Variants in ACAD10 observed in about 807,000 individuals in gnomAD.
ACAD10 encodes acyl-CoA dehydrogenase family member 10.
A neutral mutation model predicts 116.8 loss-of-function variants in ACAD10; 112 were observed. The observed-to-expected ratio is 0.96, with a 90% CI of 0.82 to 1.12. The LOEUF (loss-of-function observed/expected upper bound fraction) is 1.12. Ranked by LOEUF, ACAD10 falls within the 50% of genes most tolerant of loss-of-function variation. ACAD10 has a pLI of 0.00. For synonymous variants in ACAD10, 486 were observed against 510.6 expected (o/e 0.95, Z 0.65); for missense variants, 1,259 against 1,350.2 (o/e 0.93, Z 1.06).
chr12:111,740,187 G>A (rs1401313502), intron 12 of ACAD10, among the ~76,000 whole-genome samples: 2 of 152,162 alleles, frequency 1.3e-5, no homozygotes, highest in Admixed American at 6.6e-5. Context: ...AAGGAGGCCA[G>A]TCATGATGGC....
chr12:111,746,157 C>G lies in ACAD10; in HGVS notation c.2129C>G (p.Ala710Gly). ...LIEDLKEKAK[A>G]EGLWNLFLPL... ...TCCCCATGATAGGAGAAAGCCAAAG[C>G]TGAAGGACTTTGGAACCTTTTCCTA... Residue 710 changes from alanine to glycine, a missense_variant, in exon 14 of 21, where the codon GCT becomes GGT. Transcript: ENST00000313698. The G allele has an allele frequency of 6.2e-7, 1 of 1,613,326 alleles. No homozygotes were observed. Among genetic ancestry groups the G allele is most frequent in the Non-Finnish European group, 8.5e-7 (1 of 1,179,808 alleles).
chr12:111,718,691 G>T (rs1288778457), intron 7 of ACAD10, among the ~76,000 whole-genome samples: 1 of 151,670 alleles, frequency 6.6e-6, no homozygotes, highest in Non-Finnish European at 1.5e-5. Context: ...TGTTGGTCAG[G>T]CTGGTCCGAA....
At chr12:111,745,162 T>G in intron 13 of ACAD10, 119 bp downstream of exon 13, 1 of 1,150,184 alleles carries the variant, frequency 8.7e-7, no homozygotes, top group Non-Finnish European at 1.2e-6. Flanking sequence ...AGTTGAATGA[T>G]CTTTGCTTCC....
chr12:111,716,358 G>A (rs1403367485), intron 7 of ACAD10, among the ~76,000 whole-genome samples: 2 of 152,096 alleles, frequency 1.3e-5, no homozygotes, highest in African/African-American at 2.4e-5. Flanking sequence ...GAGACATTGT[G>A]AAACCCTGCT....
At position 111,756,578 on chromosome 12, in the gene ACAD10, C is replaced by A; in HGVS notation, c.*105C>A. The A allele has an allele frequency of 6.7e-7, 1 of 1,503,306 alleles. No individual in the cohort carries two copies. Among genetic ancestry groups the A allele is most frequent in the Non-Finnish European group, 9.0e-7 (1 of 1,113,276 alleles). 93.1% of individuals were successfully genotyped at this position (1,503,306 alleles called of 1,614,324 possible). A position where few individuals can be genotyped will look rare whatever the true frequency, so the allele number is the denominator to read the frequency against. On this transcript the variant is annotated 3_prime_UTR_variant, in exon 21 of 21. Coordinates refer to ENST00000313698, the MANE Select transcript of ACAD10 (RefSeq NM_025247.6). ...CGGTGTTTGTGGCTCCTGCACCCTGCTCAGCAGCTCTGTCCCGGGACAGTC... is the reference window on the plus strand; with the variant it reads ...CGGTGTTTGTGGCTCCTGCACCCTGATCAGCAGCTCTGTCCCGGGACAGTC...
Position 111,756,526 on chromosome 12 carries a change from T to A in ACAD10, c.*53T>A. ...CCTGGCTGGTCCAGCTGTGCCCAGA[T>A]CTGTCACTGATGTGCCTCGAAAGAT... is the stretch of plus-strand genomic sequence containing the variant. On this transcript the variant is annotated 3_prime_UTR_variant, in exon 21 of 21. Coordinates refer to ENST00000313698, the MANE Select transcript of ACAD10 (RefSeq NM_025247.6). 6.3e-7 allele frequency: 1 copy of A among 1,598,768 alleles called. No homozygotes were observed. The highest frequency in any genetic ancestry group is 1.1e-5 in the South Asian group (1 of 88,664).
intron 6 of ACAD10, chr12:111,715,475 G>C (rs1317697890): frequency 1.6e-5 from 4 of 257,798 alleles, no homozygotes; most frequent in Non-Finnish European, 2.3e-5. Context: ...GGTTGCCATG[G>C]CTGCGTTTGT....
rs1279457913 is a variant in ACAD10, at chr12:111,704,686, TTC to T, written c.337-1050_337-1049del. Among the ~76,000 whole-genome samples, 27 of 126,274 alleles carry T rather than the reference TTC, an allele frequency of 2.1e-4. No individual in the cohort carries two copies. In the East Asian group the frequency reaches 3.5e-3, roughly 16 times the overall value. The allele number at this position is 126,274 out of a possible 152,430, so 82.8% of individuals were successfully genotyped here. On this transcript the variant is annotated intron_variant, in intron 3 of 20. Transcript: ENST00000313698. ...GAGTTTTCTTTCTTTCTTTCTTTCT[TTC>T]TTTTTTTTTTTTTTTTTGAGACGGA... is the stretch of plus-strand genomic sequence containing the variant.
Position 111,705,825 on chromosome 12 carries a change from A to G in ACAD10, c.424A>G (p.Ile142Val), listed in dbSNP as rs1419029018. The change falls in exon 4 of 21, where the codon ATA becomes GTA. Residue 142 changes from isoleucine (I) to valine (V), a missense_variant. Transcript: ENST00000313698. ...GCAGTTCCCAGTGATGACTGAGGCC[A>G]TAACTCAAATTCGGGCAAAAGGTCT... ...AKQFPVMTEA[I>V]TQIRAKGLQT... 5 of 1,614,210 alleles carry G rather than the reference A, an allele frequency of 3.1e-6. No individual in the cohort carries two copies. The highest frequency in any genetic ancestry group is 2.2e-5 in the East Asian group (1 of 44,880).
intron 12 of ACAD10, among the ~76,000 whole-genome samples, chr12:111,740,229 C>T (rs1274377688): frequency 6.6e-6 from 1 of 152,070 alleles, no homozygotes; most frequent in Non-Finnish European, 1.5e-5. Context: ...ACTGGGAGGC[C>T]GAAGTAGGTG....
At chr12:111,729,559 A>G (rs1889326860) in intron 9 of ACAD10, among the ~76,000 whole-genome samples, 1 of 152,130 alleles carries the variant, frequency 6.6e-6, no homozygotes, top group African/African-American at 2.4e-5. Context: ...ACCAGAGATC[A>G]TACTTGGAGA....
chr12:111,709,917 G>A, intron 5 of ACAD10: 1 of 495,838 alleles, frequency 2.0e-6, no homozygotes, highest in Non-Finnish European at 3.5e-6. Context: ...AGATGGGAAA[G>A]GAGGTGAATG....
chr12:111,745,013 G>A lies in ACAD10; in HGVS notation c.2085G>A (p.Trp695Ter). 2 of 1,613,830 alleles carry A rather than the reference G, an allele frequency of 1.2e-6. No individual in the cohort carries two copies. The highest frequency in any genetic ancestry group is 2.2e-5 in the South Asian group (2 of 91,084). Reference protein sequence around the residue: ...LQSHQASAARWSPSPLIEDLK... With the variant: ...LQSHQASAAR ...GTCACCAGGCCTCAGCAGCCAGGTG[G>A]AGCCCCTCCCCACTGATCGAAGACC... Residue 695 changes from tryptophan (W) to a stop codon, truncating the protein, a stop_gained, in exon 13 of 21, where the codon TGG (tryptophan) becomes TGA (stop). Transcript: ENST00000313698. LOFTEE classifies it high-confidence loss of function.
chr12:111,728,215 T>C, intron 9 of ACAD10, 72 bp downstream of exon 9: 1 of 1,468,496 alleles, frequency 6.8e-7, no homozygotes, highest in African/African-American at 1.4e-5. Flanking sequence ...ATCTGAATCG[T>C]TTTGGGTCGT....
chr12:111,756,672 G>A lies in ACAD10; in HGVS notation c.*199G>A, dbSNP rs930009775. 1 of 920,038 alleles carries A rather than the reference G, an allele frequency of 1.1e-6. No individual in the cohort carries two copies. The highest frequency in any genetic ancestry group is 1.4e-5 in the South Asian group (1 of 71,172). The allele number at this position is 920,038 out of a possible 1,614,324, so 57.0% of individuals were successfully genotyped here. On this transcript the variant is annotated 3_prime_UTR_variant, in exon 21 of 21. Coordinates refer to ENST00000313698, the MANE Select transcript of ACAD10 (RefSeq NM_025247.6). The stretch of plus-strand genomic sequence containing the variant: ...GCAAGAAGCCTGGAGTCTGTTTCAG[G>A]CCAGGAGGAGGGGATTTGCTGAGGG...
chr12:111,734,623 C>CA (rs1024498979), intron 11 of ACAD10, among the ~76,000 whole-genome samples: 53 of 151,472 alleles, frequency 3.5e-4, no homozygotes, highest in Non-Finnish European at 6.3e-4. Flanking sequence ...GACTCCATCT[C>CA]AAAAAAAACA....
intron 2 of ACAD10, among the ~76,000 whole-genome samples, chr12:111,697,399 T>C (rs1888219094): frequency 6.7e-6 from 1 of 149,622 alleles, no homozygotes; most frequent in Admixed American, 6.7e-5. Flanking sequence ...ATCATTCCAT[T>C]GCCCAGGCTA....
At chr12:111,702,681 A>C (rs897652177) in intron 3 of ACAD10, among the ~76,000 whole-genome samples, 5 of 152,140 alleles carry the variant, frequency 3.3e-5, no homozygotes, top group Admixed American at 6.5e-5. Context: ...CAGTGAGCTG[A>C]GATCATGCCA....
chr12:111,718,036 C>CTTT lies in ACAD10; in HGVS notation c.992+2103_992+2105dup, dbSNP rs560344796. On this transcript the variant is annotated intron_variant, in intron 7 of 20. Coordinates refer to ENST00000313698, the MANE Select transcript of ACAD10 (RefSeq NM_025247.6). ...TATACGTAGGATCTATAGTGATATC[C>CTTT]TTTTTTTTTTTTTTTTTTTTTTTTT... is the stretch of plus-strand genomic sequence containing the variant. Among the ~76,000 whole-genome samples, 397 of 63,670 alleles carry CTTT rather than the reference C, an allele frequency of 6.2e-3. 82 individuals carry two copies. Among genetic ancestry groups the CTTT allele is most frequent in the African/African-American group, 0.027 (335 of 12,194 alleles). The allele number at this position is 63,670 out of a possible 152,430, so 41.8% of individuals were successfully genotyped here.
Sources: gnomAD v4.1 joint callset for allele counts (sites outside exome capture counted in the v4.1 genomes callset) on GRCh38, gnomAD v4.1.1 for gene constraint, MANE v1.5 for transcripts, NCBI Gene and HGNC (gene_info 2026-07-23, HGNC 2026-07-21) for gene names.